CDCA4: variants seen among roughly 807,000 people sequenced by gnomAD.
The protein encoded by CDCA4 is cell division cycle-associated protein 4.
For synonymous variants in CDCA4, 130 were observed against 137.0 expected (o/e 0.95, Z 0.36); for missense variants, 294 against 322.1 (o/e 0.91, Z 0.67).
At chr14:105,011,998 G>A in intron 1 of CDCA4, 63 bp from the exon 2 acceptor site, 1 of 1,530,398 alleles carries the variant, frequency 6.5e-7, no homozygotes, top group East Asian at 2.3e-5. Context: ...AGCGCCCCTT[G>A]GATTTCGTCT....
At chr14:105,018,619 A>G (rs1184970291) in intron 1 of CDCA4, among the ~76,000 whole-genome samples, 1 of 152,112 alleles carries the variant, frequency 6.6e-6, no homozygotes, top group African/African-American at 2.4e-5. Flanking sequence ...GGCTGGGCCC[A>G]GCTCCCTGAG....
Position 105,011,103 on chromosome 14 carries a change from G to A in CDCA4, c.*101C>T. 1.5e-6 allele frequency: 2 copies of A among 1,360,714 alleles called. No individual in the cohort carries two copies. Among genetic ancestry groups the A allele is most frequent in the South Asian group, 1.5e-5 (1 of 68,672 alleles). 84.3% of individuals were successfully genotyped at this position (1,360,714 alleles called of 1,614,324 possible). A position where few individuals can be genotyped will look rare whatever the true frequency, so the allele number is the denominator to read the frequency against. On this transcript the variant is annotated 3_prime_UTR_variant, in exon 2 of 2. Coordinates refer to ENST00000336219, the MANE Select transcript of CDCA4 (RefSeq NM_017955.4). The stretch of plus-strand genomic sequence containing the variant: ...GGGATTTCTCAGAATCAGCAGACAG[G>A]GCAGCAAGGCTGGGCCGCTGGCGGC...
chr14:105,020,088 G>T (rs1234381233), intron 1 of CDCA4, among the ~76,000 whole-genome samples: 2 of 152,186 alleles, frequency 1.3e-5, no homozygotes, highest in African/African-American at 4.8e-5. Flanking sequence ...GGCAAGTTGA[G>T]GGAAACTTCC....
intron 1 of CDCA4, 102 bp downstream of exon 1, chr14:105,020,897 G>C (rs2140913438): frequency 6.6e-6 from 1 of 152,010 alleles, no homozygotes; most frequent in South Asian, 2.1e-4. Context: ...CCCAGCGCCA[G>C]GAGCCACAGA....
intron 1 of CDCA4, among the ~76,000 whole-genome samples, chr14:105,012,926 G>A (rs1900545586): frequency 6.6e-6 from 1 of 152,148 alleles, no homozygotes; most frequent in Admixed American, 6.5e-5. Context: ...AACATGGCAG[G>A]GTATGTGTGT....
intron 1 of CDCA4, among the ~76,000 whole-genome samples, chr14:105,014,695 G>A (rs2140909684): frequency 6.6e-6 from 1 of 152,306 alleles, no homozygotes; most frequent in Non-Finnish European, 1.5e-5. Flanking sequence ...AAATTGCTAA[G>A]TATATCGAGA....
At position 105,011,277 on chromosome 14, in the gene CDCA4, G is replaced by A. The variant is rs756552406; in HGVS notation, c.653C>T (p.Pro218Leu). The change falls in exon 2 of 2, where the codon CCA becomes CTA. Residue 218 changes from proline (P) to leucine (L), a missense_variant. Pro to Leu is a moderately conservative substitution (Grantham distance 98). Coordinates refer to ENST00000336219, the MANE Select transcript of CDCA4 (RefSeq NM_017955.4). ...GGACTTGCAGCTGGAGCTAGGGCCT[G>A]GGGTGGCCGGAGCCAAGCCCTCGAG... ...EGLEGLAPAT[P>L]GPSSSCKSDL... is the part of the protein sequence containing the mutation. 2.5e-6 allele frequency: 4 copies of A among 1,613,728 alleles called. No individual in the cohort carries two copies. The highest frequency in any genetic ancestry group is 1.7e-5 in the Admixed American group (1 of 60,022).
At chr14:105,020,015 G>A (rs1170066792) in intron 1 of CDCA4, among the ~76,000 whole-genome samples, 2 of 152,298 alleles carry the variant, frequency 1.3e-5, no homozygotes, top group African/African-American at 2.4e-5. Flanking sequence ...CCAGCCAATT[G>A]CAGGTACTTT....
intron 1 of CDCA4, among the ~76,000 whole-genome samples, chr14:105,020,436 G>A (rs539171998): frequency 7.9e-5 from 12 of 152,340 alleles, no homozygotes; most frequent in South Asian, 4.1e-4. Flanking sequence ...GACGCGGAGG[G>A]AGGCTTGCGT....
In CDCA4 at chr14:105,011,680, G is replaced by A. The variant is rs1350066886; in HGVS notation, c.250C>T (p.Pro84Ser). Residue 84 changes from proline to serine, a missense_variant, in exon 2 of 2, where the codon CCC (proline) becomes TCC (serine). By Grantham distance (74) the Pro-to-Ser change is moderately conservative. Coordinates refer to ENST00000336219, the MANE Select transcript of CDCA4 (RefSeq NM_017955.4). The part of the protein sequence containing the change: ...TQDGTWRTVA[P>S]QAAERAPLDR... ...AGCGGCGCCCGCTCTGCAGCCTGGG[G>A]TGCCACTGTGCGCCACGTCCCATCC... is the stretch of plus-strand genomic sequence containing the variant. 5 of 1,613,576 alleles carry A rather than the reference G, an allele frequency of 3.1e-6. No individual in the cohort carries two copies. The African/African-American group carries it at 5.3e-5, about 17-fold the overall frequency.
intron 1 of CDCA4, among the ~76,000 whole-genome samples, chr14:105,012,239 A>C (rs567414075): frequency 6.6e-6 from 1 of 152,366 alleles, no homozygotes; most frequent in Non-Finnish European, 1.5e-5. Flanking sequence ...TAAAAATAGG[A>C]GAAATATATA....
intron 1 of CDCA4, among the ~76,000 whole-genome samples, chr14:105,018,449 AC>A (rs1764509238): frequency 6.6e-6 from 1 of 152,252 alleles, no homozygotes; most frequent in South Asian, 2.1e-4. Flanking sequence ...CAGTCACGTG[AC>A]CCCAAAGAGC....
In CDCA4 at chr14:105,021,058, C is replaced by A; in HGVS notation, c.-66G>T. 6.5e-6 allele frequency: 1 copy of A among 152,898 alleles called. No homozygotes were observed. Among genetic ancestry groups the A allele is most frequent in the South Asian group, 1.8e-4 (1 of 5,536 alleles). The allele number at this position is 152,898 out of a possible 1,614,324, so 9.5% of individuals were successfully genotyped here. On this transcript the variant is annotated 5_prime_UTR_variant, in exon 1 of 2. Transcript: ENST00000336219. ...CAGCCACCGCCACCGCCGCTGCCGC[C>A]AGCTTCCCGCCGCTGAGGAAGGAGC...
At chr14:105,018,737 A>ATT (rs33997251) in intron 1 of CDCA4, among the ~76,000 whole-genome samples, 28 of 144,680 alleles carry the variant, frequency 1.9e-4, no homozygotes, top group Admixed American at 1.4e-3. Flanking sequence ...TCCCTGCTCA[A>ATT]TTTTTTTTTT....
intron 1 of CDCA4, among the ~76,000 whole-genome samples, chr14:105,017,095 A>G (rs1318871048): frequency 6.6e-6 from 1 of 152,228 alleles, no homozygotes. Flanking sequence ...AGAAATTCAG[A>G]GAACAGGGGG....
chr14:105,015,810 G>A (rs1389484309), intron 1 of CDCA4, among the ~76,000 whole-genome samples: 1 of 152,200 alleles, frequency 6.6e-6, no homozygotes, highest in Non-Finnish European at 1.5e-5. Context: ...GATTACAAGG[G>A]TGTACCACCA....
At position 105,014,026 on chromosome 14, in the gene CDCA4, G is replaced by A. The variant is rs140452620; in HGVS notation, c.-6-2091C>T. On this transcript the variant is annotated intron_variant, in intron 1 of 1. Coordinates refer to ENST00000336219, the MANE Select transcript of CDCA4 (RefSeq NM_017955.4). ...GAAATGAACTGTTGATACACAGGAC[G>A]GATCCTTCCACAGGGGCATTAGGCT... 1.3e-3 allele frequency among the ~76,000 whole-genome samples: 199 copies of A among 152,252 alleles called. 2 individuals carry two copies. Among genetic ancestry groups the A allele is most frequent in the Middle Eastern group, 3.4e-3 (1 of 294 alleles).
intron 1 of CDCA4, among the ~76,000 whole-genome samples, chr14:105,014,857 T>C (rs1900601780): frequency 6.6e-6 from 1 of 152,172 alleles, no homozygotes; most frequent in Non-Finnish European, 1.5e-5. Flanking sequence ...TAGCAATGGA[T>C]TAATTTAGGA....
intron 1 of CDCA4, among the ~76,000 whole-genome samples, chr14:105,019,261 A>G (rs1451629469): frequency 6.6e-6 from 1 of 152,182 alleles, no homozygotes; most frequent in Non-Finnish European, 1.5e-5. Flanking sequence ...CTAGGGACAG[A>G]GCAACCTAGG....
Sources: allele counts gnomAD v4.1 joint callset (sites outside exome capture counted in the v4.1 genomes callset), GRCh38; gene constraint gnomAD v4.1.1; transcripts MANE v1.5; gene names NCBI Gene and HGNC (gene_info 2026-07-23, HGNC 2026-07-21).